EXD3: variants seen among roughly 807,000 people sequenced by gnomAD.
The protein encoded by EXD3 is exonuclease 3'-5' domain containing 3, also known as exonuclease mut-7 homolog.
Under a neutral mutation model 98.0 loss-of-function variants are expected in EXD3, and 92 were observed. The observed-to-expected ratio is 0.94, with a 90% CI of 0.79 to 1.12. EXD3 has a LOEUF of 1.12. Ranked by LOEUF, EXD3 falls within the 50% of genes most tolerant of loss-of-function variation. The pLI is 0.00. For missense variants in EXD3, 1,222 were observed against 1,191.6 expected (o/e 1.03, Z -0.38); for synonymous variants, 569 against 526.0 (o/e 1.08, Z -1.12).
chr9:137,351,584 C>CCA (rs1834309124), intron 12 of EXD3, 56 bp from the exon 13 acceptor site: 1 of 1,505,950 alleles, frequency 6.6e-7, no homozygotes, highest in African/African-American at 1.4e-5. Context: ...TCTGCAGGGA[C>CCA]CACAGCCTGG....
At chr9:137,351,269 G>A (rs983891044) in intron 13 of EXD3, 49 bp downstream of exon 13, 44 of 1,568,426 alleles carry the variant, frequency 2.8e-5, no homozygotes, top group Admixed American at 3.7e-5. Flanking sequence ...GCAGGGGTGC[G>A]GGCTGCTTTC....
chr9:137,324,123 C>T lies in EXD3; in HGVS notation c.2019G>A (p.Arg673=). The change falls in exon 18 of 22, where the codon AGG becomes AGA. Residue 673 remains arginine, a synonymous_variant. Transcript: ENST00000340951. The surrounding 1 kb of genome is among the most constrained non-coding windows in gnomAD (Gnocchi z 4.1). ...ATGGCTGCCCCGACGTCAGAATGAT[C>T]CTCCCCTCCTGCCTGGCAACCTGTG... The part of the protein sequence containing the change: ...RAAEVARQEG[R]IILTSGQPFH... 1 of 1,585,972 alleles carries T rather than the reference C, an allele frequency of 6.3e-7. No individual in the cohort carries two copies. The highest frequency in any genetic ancestry group is 8.6e-7 in the Non-Finnish European group (1 of 1,166,852).
At chr9:137,357,696 T>C (rs1256074626) in intron 7 of EXD3, among the ~76,000 whole-genome samples, 1 of 148,500 alleles carries the variant, frequency 6.7e-6, no homozygotes, top group East Asian at 2.0e-4. Context: ...ACAGAACTCA[T>C]AGGATATATA....
chr9:137,415,400 G>A (rs888984292), intron 1 of EXD3, among the ~76,000 whole-genome samples: 2 of 151,976 alleles, frequency 1.3e-5, no homozygotes, highest in Non-Finnish European at 2.9e-5. Context: ...CTCCATGTTC[G>A]CCAGGCTGGT....
intron 17 of EXD3, among the ~76,000 whole-genome samples, chr9:137,331,771 C>A (rs566572763): frequency 6.6e-6 from 1 of 152,050 alleles, no homozygotes; most frequent in South Asian, 2.1e-4. Flanking sequence ...CAAAAATTAG[C>A]GAGGTGTGGT....
chr9:137,405,500 C>T lies in EXD3; in HGVS notation c.-47-10096G>A, dbSNP rs1228397977. Reference sequence around the variant, plus strand: ...CCACTCACCCGTCCCCAGCCACTCACCCGTCCCCAGCATCCACAGTTTCTC... The same window carrying T: ...CCACTCACCCGTCCCCAGCCACTCATCCGTCCCCAGCATCCACAGTTTCTC... On this transcript the variant is annotated intron_variant, in intron 1 of 21. Transcript: ENST00000340951. The surrounding 1 kb of genome is among the most constrained non-coding windows in gnomAD (Gnocchi z 4.1). Among the ~76,000 whole-genome samples, 1 of 152,210 alleles carries T rather than the reference C, an allele frequency of 6.6e-6. No individual in the cohort carries two copies. The highest frequency in any genetic ancestry group is 2.4e-5 in the African/African-American group (1 of 41,466).
intron 17 of EXD3, among the ~76,000 whole-genome samples, chr9:137,327,134 T>A (rs1444345805): frequency 6.8e-6 from 1 of 147,008 alleles, no homozygotes; most frequent in Non-Finnish European, 1.5e-5. Context: ...TGGTACGGAG[T>A]CTTTTTTTTT....
At chr9:137,386,765 C>T (rs1453434840) in intron 2 of EXD3, among the ~76,000 whole-genome samples, 1 of 147,042 alleles carries the variant, frequency 6.8e-6, no homozygotes, top group African/African-American at 2.5e-5. Context: ...CCTCAGCACC[C>T]CTGCTCCCTG....
chr9:137,416,541 G>C (rs1226291271), intron 1 of EXD3, among the ~76,000 whole-genome samples: 2 of 152,188 alleles, frequency 1.3e-5, no homozygotes, highest in African/African-American at 2.4e-5. Context: ...GCTGGTCCCC[G>C]GGCAGGCATC....
intron 2 of EXD3, among the ~76,000 whole-genome samples, chr9:137,390,052 G>A (rs1836812546): frequency 6.7e-6 from 1 of 149,318 alleles, no homozygotes; most frequent in African/African-American, 2.5e-5. Flanking sequence ...AACCTGGGAG[G>A]TGGAGGTTGC....
chr9:137,395,239 T>TG lies in EXD3; in HGVS notation c.55+63dup. 2 of 1,204,544 alleles carry TG rather than the reference T, an allele frequency of 1.7e-6. No individual in the cohort carries two copies. Among genetic ancestry groups the TG allele is most frequent in the Non-Finnish European group, 2.5e-6 (2 of 810,888 alleles). 74.6% of individuals were successfully genotyped at this position (1,204,544 alleles called of 1,614,324 possible). On this transcript the variant is annotated intron_variant, in intron 2 of 21. Transcript: ENST00000340951. The surrounding 1 kb of genome is among the most constrained non-coding windows in gnomAD (Gnocchi z 6.5). ...ACACAGTGGGCGCCACCACCCCCCA[T>TG]GCACACCCACGCACCTCCCCCCACA... is the stretch of plus-strand genomic sequence containing the variant.
chr9:137,344,139 C>T (rs550737000), intron 17 of EXD3, among the ~76,000 whole-genome samples: 28 of 152,046 alleles, frequency 1.8e-4, no homozygotes, highest in South Asian at 1.5e-3. Context: ...GATCCGCCCA[C>T]CTCGGCCTCT....
rs1464526464 is a variant in EXD3 at position 137,405,320 on chromosome 9, C to T, written c.-47-9916G>A. On this transcript the variant is annotated intron_variant, in intron 1 of 21. Transcript: ENST00000340951. This position sits in a 1 kb window ranked among gnomAD's most constrained non-coding sequence, Gnocchi z 4.1. ...GAGCAGGGGCCAGAGCCCCAACCCC[C>T]GCTGCTTCCCCAACTGCTCCCTGGG... 3.3e-5 allele frequency among the ~76,000 whole-genome samples: 5 copies of T among 152,348 alleles called. No individual in the cohort carries two copies. The highest frequency in any genetic ancestry group is 2.1e-4 in the South Asian group (1 of 4,832).
intron 9 of EXD3, 109 bp from the exon 10 acceptor site, chr9:137,354,486 C>T: frequency 6.4e-7 from 1 of 1,562,476 alleles, no homozygotes; most frequent in Non-Finnish European, 8.6e-7. Flanking sequence ...TGGCAGAGCC[C>T]AGGTGCTCAC....
chr9:137,419,089 G>A (rs778317046), intron 1 of EXD3, among the ~76,000 whole-genome samples: 1 of 151,930 alleles, frequency 6.6e-6, no homozygotes, highest in Non-Finnish European at 1.5e-5. Flanking sequence ...AGATGTACGA[G>A]GCTTATGTGG....
At chr9:137,322,635 C>T (rs1349681488) in intron 19 of EXD3, among the ~76,000 whole-genome samples, 1 of 127,410 alleles carries the variant, frequency 7.8e-6, no homozygotes, top group East Asian at 2.5e-4. Context: ...ACGAGGGATG[C>T]TCTGCCGACA....
At position 137,367,951 on chromosome 9, in the gene EXD3, C is replaced by T. The variant is rs1353126925; in HGVS notation, c.501G>A (p.Glu167=). ...TLGATLKLQS[E]LGVEKMSIPL... ...AGACGTTCACCTTTTCAACGCCAAG[C>T]TCCGACTGCAGCTTCAACGTCGCGC... is the stretch of plus-strand genomic sequence containing the variant. Residue 167 remains glutamate, a synonymous_variant, in exon 6 of 22, where the codon GAG becomes GAA. Transcript: ENST00000340951. 1 of 1,612,118 alleles carries T rather than the reference C, an allele frequency of 6.2e-7. No homozygotes were observed. The highest frequency in any genetic ancestry group is 1.1e-5 in the South Asian group (1 of 91,062).
chr9:137,336,772 C>G (rs192914217), intron 17 of EXD3, among the ~76,000 whole-genome samples: 1 of 150,318 alleles, frequency 6.7e-6, no homozygotes, highest in East Asian at 2.0e-4. Flanking sequence ...GAATTTATAG[C>G]TTTCAAATTG....
Position 137,348,120 on chromosome 9 carries a change from A to G in EXD3, c.1949T>C (p.Val650Ala). The change falls in exon 17 of 22, where the codon GTG becomes GCG. Residue 650 changes from valine to alanine, a missense_variant. By Grantham distance (64) the Val-to-Ala change is moderately conservative. Transcript: ENST00000340951. ...GLARSLRCLG[V>A]DARMLGNGED... is the part of the protein sequence containing the mutation. ...ACCATTGCCCAGCATGCGTGCATCC[A>G]CACCGAGACAGCGGAGGCTCCGTGC... The G allele has an allele frequency of 6.2e-7, 1 of 1,611,628 alleles. No homozygotes were observed. Among genetic ancestry groups the G allele is most frequent in the South Asian group, 1.1e-5 (1 of 90,932 alleles).
Sources: gnomAD v4.1 joint callset for allele counts (sites outside exome capture counted in the v4.1 genomes callset) on GRCh38, gnomAD v4.1.1 for gene constraint, Gnocchi (gnomAD v3.1) non-coding constraint, MANE v1.5 for transcripts, NCBI Gene and HGNC (gene_info 2026-07-23, HGNC 2026-07-21) for gene names.